The following CEMIP variants were observed in gnomAD, a reference collection of about 807,000 sequenced individuals.
CEMIP encodes cell migration-inducing and hyaluronan-binding protein.
A neutral mutation model predicts 156.9 loss-of-function variants in CEMIP; 105 were observed. That is an observed-to-expected ratio of 0.67 (90% CI 0.57 to 0.79). The LOEUF (loss-of-function observed/expected upper bound fraction) is 0.79. Among genes scored for constraint, CEMIP ranks in the 30% least tolerant of loss-of-function variants. CEMIP has a pLI of 0.00. For synonymous variants in CEMIP, 676 were observed against 668.4 expected, an observed-to-expected ratio of 1.01 and a Z score of -0.17; for missense variants, 1,457 against 1,769.4, an observed-to-expected ratio of 0.82 and a Z score of 3.17.
intron 10 of CEMIP, among the ~76,000 whole-genome samples, chr15:80,893,333 A>G (rs983809112): frequency 5.9e-5 from 9 of 152,296 alleles, no homozygotes; most frequent in African/African-American, 2.2e-4. Context: ...TCTCTGAATG[A>G]TGATGGATTC....
chr15:80,816,592 C>G (rs1896793293), intron 1 of CEMIP, among the ~76,000 whole-genome samples: 1 of 152,168 alleles, frequency 6.6e-6, no homozygotes, highest in Non-Finnish European at 1.5e-5. Context: ...TCAGAATTTT[C>G]TTTCCTGGAA....
intron 1 of CEMIP, among the ~76,000 whole-genome samples, chr15:80,872,411 C>T (rs559873167): frequency 1.8e-3 from 268 of 152,330 alleles, no homozygotes; most frequent in African/African-American, 6.3e-3. Flanking sequence ...GGAAATCTCA[C>T]ATCTTTTCCT....
intron 6 of CEMIP, among the ~76,000 whole-genome samples, chr15:80,883,704 G>C (rs1898739276): frequency 6.6e-6 from 1 of 152,188 alleles, no homozygotes. Flanking sequence ...ATTTGGGATA[G>C]TCTCCATGTC....
intron 10 of CEMIP, among the ~76,000 whole-genome samples, chr15:80,889,863 A>C (rs963050933): frequency 3.3e-5 from 5 of 152,172 alleles, no homozygotes; most frequent in Non-Finnish European, 5.9e-5. Flanking sequence ...TGCCCCCACC[A>C]CAGGGATGGG....
rs1567106634 is a variant in CEMIP at position 80,929,179 on chromosome 15, G to A, written c.2612+5G>A. ...AAGGACCCTCCCTATAGGCCAGTAG[G>A]TTTGCAACCATGTAGCTCCTTATTC... On this transcript the variant is annotated splice_donor_5th_base_variant and intron_variant, in intron 21 of 29. Coordinates refer to ENST00000394685, the MANE Select transcript of CEMIP (RefSeq NM_001293298.2). 1.9e-6 allele frequency: 3 copies of A among 1,614,200 alleles called. No homozygotes were observed. The highest frequency in any genetic ancestry group is 2.5e-6 in the Non-Finnish European group (3 of 1,180,044).
chr15:80,932,012 G>A lies in CEMIP; in HGVS notation c.2766G>A (p.Val922=). Residue 922 remains valine (V), a synonymous_variant, in exon 22 of 30, where the codon GTG becomes GTA. Transcript: ENST00000394685. The surrounding 1 kb of genome is among the most constrained non-coding windows in gnomAD (Gnocchi z 4.5). ...NAWQSCPHNN[V]TGIAFEDVPI... is the part of the protein sequence containing the mutation. Reference sequence around the variant, plus strand: ...GGCAGAGCTGCCCCCATAACAACGTGACCGGCATTGCCTTTGAGGACGTTC... The same window carrying A: ...GGCAGAGCTGCCCCCATAACAACGTAACCGGCATTGCCTTTGAGGACGTTC... The A allele has an allele frequency of 6.2e-7, 1 of 1,614,036 alleles. No individual in the cohort carries two copies.
chr15:80,816,662 T>C (rs1303135411), intron 1 of CEMIP, among the ~76,000 whole-genome samples: 2 of 152,120 alleles, frequency 1.3e-5, no homozygotes, highest in Non-Finnish European at 2.9e-5. Flanking sequence ...AACCTGACCC[T>C]GTCAGCTGGA....
intron 14 of CEMIP, chr15:80,909,556 C>T: frequency 1.7e-6 from 1 of 577,292 alleles, no homozygotes; most frequent in Non-Finnish European, 3.3e-6. Context: ...TCTGGGAGTC[C>T]AGTTTTTCCT....
intron 28 of CEMIP, among the ~76,000 whole-genome samples, chr15:80,943,780 A>C (rs1901433403): frequency 6.6e-6 from 1 of 152,042 alleles, no homozygotes; most frequent in African/African-American, 2.4e-5. Flanking sequence ...GTTCATCACC[A>C]ACACTGTTGG....
chr15:80,781,138 A>T (rs78082788), intron 1 of CEMIP, among the ~76,000 whole-genome samples: 1 of 152,190 alleles, frequency 6.6e-6, no homozygotes, highest in South Asian at 2.1e-4. Flanking sequence ...TACGCCAGAC[A>T]TAATTAGGGA....
At position 80,873,784 on chromosome 15, in the gene CEMIP, TG is replaced by T. The variant is rs1898373356; in HGVS notation, c.-16-79del. On this transcript the variant is annotated intron_variant, in intron 2 of 29. Coordinates refer to ENST00000394685, the MANE Select transcript of CEMIP (RefSeq NM_001293298.2). ...GTGTCTGTGTGTGTGCATGTGGCTC[TG>T]TTTATCTCCATGTCGGCCCTGTATA... 9.2e-6 allele frequency: 9 copies of T among 982,638 alleles called. No homozygotes were observed. The East Asian group carries it at 2.4e-4, about 26-fold the overall frequency. The allele number at this position is 982,638 out of a possible 1,614,324, so 60.9% of individuals were successfully genotyped here.
rs1372217975 is a variant in CEMIP, at chr15:80,873,618, G to A, written c.-95G>A. On this transcript the variant is annotated 5_prime_UTR_variant, in exon 2 of 30. Transcript: ENST00000394685. ...CCCATCACTCGGTCTCTGAGCTGCAGGACACAGGCAGGACAACGGTAGGAT... is the reference window on the plus strand; with the variant it reads ...CCCATCACTCGGTCTCTGAGCTGCAAGACACAGGCAGGACAACGGTAGGAT... The A allele has an allele frequency of 2.0e-6, 1 of 499,622 alleles. No homozygotes were observed. Among genetic ancestry groups the A allele is most frequent in the African/African-American group, 1.9e-5 (1 of 51,540 alleles). 30.9% of individuals were successfully genotyped at this position (499,622 alleles called of 1,614,324 possible). A position where few individuals can be genotyped will look rare whatever the true frequency, so the allele number is the denominator to read the frequency against.
chr15:80,876,918 T>C (rs62035089), intron 3 of CEMIP, among the ~76,000 whole-genome samples: 1,957 of 152,246 alleles, frequency 0.013, 19 homozygotes, highest in Non-Finnish European at 0.022. Context: ...GATAAAGACA[T>C]ACCCGCGGCT....
At chr15:80,938,696 C>T (rs1377987035) in intron 25 of CEMIP, among the ~76,000 whole-genome samples, 1 of 152,188 alleles carries the variant, frequency 6.6e-6, no homozygotes, top group Non-Finnish European at 1.5e-5. Flanking sequence ...TGTCTGTCTT[C>T]AAAGCCCTCA....
intron 1 of CEMIP, among the ~76,000 whole-genome samples, chr15:80,808,915 T>C (rs1367214211): frequency 2.6e-5 from 4 of 152,148 alleles, no homozygotes; most frequent in African/African-American, 4.8e-5. Context: ...CAACACCATA[T>C]GCTGTCCCAG....
intron 1 of CEMIP, among the ~76,000 whole-genome samples, chr15:80,818,214 A>G (rs895301192): frequency 6.6e-6 from 1 of 152,178 alleles, no homozygotes; most frequent in Admixed American, 6.5e-5. Flanking sequence ...GTCATGCAAG[A>G]CCCCTTGCTG....
chr15:80,801,102 C>CCTGACCCTG (rs1373660147), intron 1 of CEMIP, among the ~76,000 whole-genome samples: 1 of 152,222 alleles, frequency 6.6e-6, no homozygotes, highest in African/African-American at 2.4e-5. Flanking sequence ...ATTCATTCTT[C>CCTGACCCTG]CTGACCCTGC....
At chr15:80,922,833 G>A (rs758932927) in intron 17 of CEMIP, among the ~76,000 whole-genome samples, 109 of 152,268 alleles carry the variant, frequency 7.2e-4, no homozygotes, top group Non-Finnish European at 1.2e-3. Context: ...CATGGGGCAT[G>A]GGATTGGAGC....
At chr15:80,941,763 CT>C in intron 25 of CEMIP, 85 bp from the exon 26 acceptor site, 1 of 1,259,266 alleles carries the variant, frequency 7.9e-7, no homozygotes, top group Non-Finnish European at 1.1e-6. Context: ...CTATGACCAG[CT>C]CAGAGTAAAT....
Sources: allele counts gnomAD v4.1 joint callset (sites outside exome capture counted in the v4.1 genomes callset), GRCh38; gene constraint gnomAD v4.1.1; non-coding constraint Gnocchi (gnomAD v3.1); transcripts MANE v1.5; gene names NCBI Gene and HGNC (gene_info 2026-07-23, HGNC 2026-07-21).